ANKRD17: variants seen among roughly 807,000 people sequenced by gnomAD.
ANKRD17 encodes ankyrin repeat domain-containing protein 17.
ANKRD17 carries 19 observed loss-of-function variants against 229.7 expected under a neutral mutation model. The ratio of observed to expected loss-of-function variants is 0.08; its 90% CI spans 0.06 to 0.12. The LOEUF is 0.12. Among genes scored for constraint, ANKRD17 ranks in the 10% least tolerant of loss-of-function variants. The pLI, the probability that ANKRD17 is intolerant of heterozygous loss-of-function variation, is 1.00. For missense variants in ANKRD17, 2,176 were observed against 3,176.8 expected, an observed-to-expected ratio of 0.68 and a Z score of 7.57; for synonymous variants, 1,112 against 1,146.1, an observed-to-expected ratio of 0.97 and a Z score of 0.60.
chr4:73,250,767 C>T (rs539116645), intron 1 of ANKRD17, among the ~76,000 whole-genome samples: 8 of 151,368 alleles, frequency 5.3e-5, no homozygotes, highest in Admixed American at 2.0e-4. Flanking sequence ...AGTGCAAGGG[C>T]GCGATCTCTG....
At chr4:73,257,088 T>C (rs1745518981) in intron 1 of ANKRD17, among the ~76,000 whole-genome samples, 2 of 152,164 alleles carry the variant, frequency 1.3e-5, no homozygotes, top group Non-Finnish European at 2.9e-5. Context: ...AAATAGTAAG[T>C]GGTACTTTTA....
intron 1 of ANKRD17, among the ~76,000 whole-genome samples, chr4:73,233,585 C>A (rs10019296): frequency 0.091 from 13,871 of 152,122 alleles, 2,093 homozygotes; most frequent in African/African-American, 0.31. Flanking sequence ...CCCAAGATTG[C>A]CACAGCAGCT....
At chr4:73,134,690 T>C (rs1578150823) in intron 16 of ANKRD17, among the ~76,000 whole-genome samples, 2 of 152,198 alleles carry the variant, frequency 1.3e-5, no homozygotes, top group African/African-American at 4.8e-5. Flanking sequence ...AAGATGAGAA[T>C]TTTCAAAGAT....
intron 30 of ANKRD17, among the ~76,000 whole-genome samples, chr4:73,081,614 A>C (rs1027056089): frequency 6.6e-6 from 1 of 152,250 alleles, no homozygotes; most frequent in African/African-American, 2.4e-5. Context: ...AACAGGTTTC[A>C]GAGGATGGGG....
chr4:73,129,716 T>TCAACAA (rs112066324), intron 16 of ANKRD17, among the ~76,000 whole-genome samples: 2 of 150,536 alleles, frequency 1.3e-5, no homozygotes, highest in East Asian at 1.9e-4. Context: ...AGACCCTGTC[T>TCAACAA]CAACAACAAC....
At chr4:73,177,342 C>T (rs889656321) in intron 2 of ANKRD17, 38 bp downstream of exon 2, 4 of 1,431,720 alleles carry the variant, frequency 2.8e-6, no homozygotes, top group Admixed American at 2.3e-5. Context: ...TGCAACTTTA[C>T]ATAACAAGGT....
At chr4:73,090,356 G>A (rs1722670880) in intron 29 of ANKRD17, among the ~76,000 whole-genome samples, 1 of 152,206 alleles carries the variant, frequency 6.6e-6, no homozygotes, top group South Asian at 2.1e-4. Context: ...GTTGCGGTGA[G>A]CTGAGATCAT....
chr4:73,179,518 A>ATATATATATTT (rs1192164276), intron 1 of ANKRD17, among the ~76,000 whole-genome samples: 1 of 40,800 alleles, frequency 2.5e-5, no homozygotes, highest in Non-Finnish European at 4.6e-5. Flanking sequence ...ATATATATAT[A>ATATATATATTT]TTTTTTTTTT....
At chr4:73,228,960 A>G (rs1304093555) in intron 1 of ANKRD17, among the ~76,000 whole-genome samples, 2 of 152,232 alleles carry the variant, frequency 1.3e-5, no homozygotes, top group Non-Finnish European at 2.9e-5. Flanking sequence ...GCCATAAAAA[A>G]GGATGAGTTC....
intron 1 of ANKRD17, among the ~76,000 whole-genome samples, chr4:73,199,587 A>C (rs951027653): frequency 2.6e-5 from 4 of 152,138 alleles, no homozygotes; most frequent in Admixed American, 2.0e-4. Context: ...CTTTGCTTAA[A>C]TGTGTCACTC....
rs761451988 is a variant in ANKRD17 at position 73,098,354 on chromosome 4, G to A, written c.4740C>T (p.Asn1580=). 9 of 1,614,144 alleles carry A rather than the reference G, an allele frequency of 5.6e-6. No individual in the cohort carries two copies. The highest frequency in any genetic ancestry group is 6.8e-6 in the Non-Finnish European group (8 of 1,180,022). The change falls in exon 26 of 34, where the codon AAC becomes AAT. Residue 1580 remains asparagine, a synonymous_variant. Coordinates refer to ENST00000358602, the MANE Select transcript of ANKRD17 (RefSeq NM_032217.5). ...GTGGATCATCAAATATAATTTGAAC[G>A]TTTTCTGGAGTAATTTTATTTTTCC... ...KNRKNKITPE[N]VQIIFDDPLP...
intron 15 of ANKRD17, among the ~76,000 whole-genome samples, chr4:73,136,018 T>A (rs1291387039): frequency 6.6e-6 from 1 of 152,194 alleles, no homozygotes; most frequent in African/African-American, 2.4e-5. Context: ...ATTCTAAGTA[T>A]GATGTTGCTG....
chr4:73,206,051 T>C (rs1739391209), intron 1 of ANKRD17, among the ~76,000 whole-genome samples: 1 of 152,114 alleles, frequency 6.6e-6, no homozygotes, highest in Non-Finnish European at 1.5e-5. Context: ...ATTCAGGGGT[T>C]TGAACAGCTA....
Position 73,115,897 on chromosome 4 carries a change from C to T in ANKRD17, c.4208G>A (p.Arg1403His), listed in dbSNP as rs868308138. The T allele has an allele frequency of 1.9e-6, 3 of 1,613,476 alleles. No individual in the cohort carries two copies. The highest frequency in any genetic ancestry group is 1.1e-5 in the South Asian group (1 of 91,064). ...AFRKGHVKVVRYLVKEVNQFP... is the reference protein window; with the variant it reads ...AFRKGHVKVVHYLVKEVNQFP... Reference sequence around the variant, plus strand: ...CTGATTGACTTCTTTGACTAAGTAGCGCACCACCTTCACATGACCCTAAAA... The same window carrying T: ...CTGATTGACTTCTTTGACTAAGTAGTGCACCACCTTCACATGACCCTAAAA... The change falls in exon 23 of 34, where the codon CGC (arginine) becomes CAC (histidine). Residue 1403 changes from arginine to histidine, a missense_variant. Physicochemically the swap from Arg to His is conservative, Grantham distance 29. This residue lies in a region of ANKRD17 where 178 missense variants were observed against 421.7 expected (regional missense o/e 0.42). Transcript: ENST00000358602.
chr4:73,126,406 T>A (rs952029014), intron 16 of ANKRD17, among the ~76,000 whole-genome samples: 25 of 151,952 alleles, frequency 1.6e-4, no homozygotes, highest in African/African-American at 5.8e-4. Flanking sequence ...GAATCCTCAG[T>A]AGTAGGGCCA....
intron 24 of ANKRD17, among the ~76,000 whole-genome samples, chr4:73,106,292 C>A (rs1202848582): frequency 6.6e-6 from 1 of 152,072 alleles, no homozygotes; most frequent in Admixed American, 6.6e-5. Flanking sequence ...TGGGAAAGGG[C>A]ACTAACCCAA....
chr4:73,212,766 G>A (rs557478152), intron 1 of ANKRD17, among the ~76,000 whole-genome samples: 44 of 151,798 alleles, frequency 2.9e-4, no homozygotes, highest in Admixed American at 1.4e-3. Context: ...CTGTAATACC[G>A]GCACTTTGGG....
At position 73,203,302 on chromosome 4, in the gene ANKRD17, G is replaced by A. The variant is rs113855243; in HGVS notation, c.394-25769C>T. Among the ~76,000 whole-genome samples the A allele has an allele frequency of 6.4e-3, 967 of 151,796 alleles. 12 individuals carry two copies. Among genetic ancestry groups the A allele is most frequent in the African/African-American group, 0.022 (922 of 41,348 alleles). ...CTCCAAACCCTCATCTTTGTGTCTTGAACTAAATTATAATAACAAATGGCA... is the reference window on the plus strand; with the variant it reads ...CTCCAAACCCTCATCTTTGTGTCTTAAACTAAATTATAATAACAAATGGCA... On this transcript the variant is annotated intron_variant, in intron 1 of 33. Transcript: ENST00000358602.
intron 1 of ANKRD17, among the ~76,000 whole-genome samples, chr4:73,212,417 G>A (rs982739289): frequency 5.3e-5 from 8 of 152,028 alleles, no homozygotes; most frequent in South Asian, 4.2e-4. Flanking sequence ...AAACATTTAC[G>A]AAACGATCCA....
Sources: gnomAD v4.1 joint callset for allele counts (sites outside exome capture counted in the v4.1 genomes callset) on GRCh38, gnomAD v4.1.1 for gene constraint, gnomAD v4.1.1 regional missense constraint, MANE v1.5 for transcripts, NCBI Gene and HGNC (gene_info 2026-07-23, HGNC 2026-07-21) for gene names.